The following GTF3C1 variants were observed in gnomAD, a reference collection of about 807,000 sequenced individuals.
GTF3C1 encodes the protein general transcription factor 3C polypeptide 1.
In GTF3C1, 57 loss-of-function variants were observed where a neutral mutation model predicts 226.7. The ratio of observed to expected loss-of-function variants is 0.25; its 90% CI spans 0.20 to 0.31. GTF3C1 has a LOEUF of 0.31. Ranked by LOEUF, GTF3C1 falls within the 10% of genes least tolerant of loss-of-function variation. GTF3C1 has a pLI of 1.00. For missense variants in GTF3C1, 2,217 were observed against 2,776.1 expected (o/e 0.80, Z 4.53); for synonymous variants, 1,090 against 1,084.8 (o/e 1.00, Z -0.09).
chr16:27,506,771 G>T, intron 9 of GTF3C1, 76 bp downstream of exon 9: 3 of 1,093,926 alleles, frequency 2.7e-6, no homozygotes, highest in Non-Finnish European at 3.9e-6. Context: ...GGTGTTTGCT[G>T]AACTGAAGGG....
rs1327362302 is a variant in GTF3C1 at position 27,470,461 on chromosome 16, A to C, written c.4527-66T>G. 1.6e-6 allele frequency: 2 copies of C among 1,269,240 alleles called. No homozygotes were observed. The highest frequency in any genetic ancestry group is 1.5e-5 in the African/African-American group (1 of 67,416). 78.6% of individuals were successfully genotyped at this position (1,269,240 alleles called of 1,614,324 possible). A position where few individuals can be genotyped will look rare whatever the true frequency, so the allele number is the denominator to read the frequency against. ...CTGTGGGAAGCCTTCATTTGGATGG[A>C]CTATGAGCACGTCAAACCATTATGG... On this transcript the variant is annotated intron_variant, in intron 30 of 36. Coordinates refer to ENST00000356183, the MANE Select transcript of GTF3C1 (RefSeq NM_001520.4). This position sits in a 1 kb window ranked among gnomAD's most constrained non-coding sequence, Gnocchi z 4.9.
intron 34 of GTF3C1, chr16:27,464,062 G>A (rs1159573283): frequency 1.1e-5 from 5 of 437,708 alleles, no homozygotes; most frequent in African/African-American, 4.1e-5. Context: ...CAGTGCACAC[G>A]CTGGCCCCAC....
chr16:27,467,992 T>G (rs1481645029), intron 32 of GTF3C1, among the ~76,000 whole-genome samples: 1 of 152,118 alleles, frequency 6.6e-6, no homozygotes, highest in Non-Finnish European at 1.5e-5. Context: ...TAGATGCCAT[T>G]AAGAACATCT....
intron 14 of GTF3C1, among the ~76,000 whole-genome samples, chr16:27,496,949 C>T (rs1212292468): frequency 5.9e-5 from 9 of 152,172 alleles, no homozygotes. Context: ...ACAGGGAAAC[C>T]TTGAGAGTAA....
intron 11 of GTF3C1, 50 bp downstream of exon 11, chr16:27,502,809 G>T: frequency 6.5e-7 from 1 of 1,543,506 alleles, no homozygotes; most frequent in Non-Finnish European, 8.7e-7. Context: ...ACTGGTAGGA[G>T]GATTACTGTT....
chr16:27,499,897 A>C (rs1392625659), intron 12 of GTF3C1, among the ~76,000 whole-genome samples: 1 of 152,134 alleles, frequency 6.6e-6, no homozygotes, highest in Non-Finnish European at 1.5e-5. Context: ...CCTGCCTGGA[A>C]ACCTACGCTG....
At chr16:27,529,602 G>A (rs2088884988) in intron 5 of GTF3C1, among the ~76,000 whole-genome samples, 1 of 152,208 alleles carries the variant, frequency 6.6e-6, no homozygotes, top group East Asian at 1.9e-4. Flanking sequence ...GCAGCCTCCA[G>A]TGCAGGCGGT....
Position 27,470,559 on chromosome 16 carries a change from C to T in GTF3C1, c.4527-164G>A. ...CATCCCAGATGAAGGTGCTGCATTC[C>T]CACCTAGCGGTGTTTGTGTCTCTCT... is the stretch of plus-strand genomic sequence containing the variant. On this transcript the variant is annotated intron_variant, in intron 30 of 36. Transcript: ENST00000356183. The surrounding 1 kb of genome is among the most constrained non-coding windows in gnomAD (Gnocchi z 4.9). 1 of 624,580 alleles carries T rather than the reference C, an allele frequency of 1.6e-6. No individual in the cohort carries two copies. Among genetic ancestry groups the T allele is most frequent in the Admixed American group, 2.9e-5 (1 of 34,770 alleles). The allele number at this position is 624,580 out of a possible 1,614,324, so 38.7% of individuals were successfully genotyped here.
intron 5 of GTF3C1, among the ~76,000 whole-genome samples, chr16:27,530,928 G>C (rs983843080): frequency 1.6e-4 from 25 of 152,164 alleles, no homozygotes; most frequent in African/African-American, 6.0e-4. Flanking sequence ...CTACATCCCA[G>C]TGCAGGCACT....
chr16:27,497,084 G>A (rs1481973148), intron 14 of GTF3C1, among the ~76,000 whole-genome samples: 1 of 152,232 alleles, frequency 6.6e-6, no homozygotes, highest in African/African-American at 2.4e-5. Context: ...GGGCCCCGGT[G>A]AGTCAAGTTT....
intron 6 of GTF3C1, among the ~76,000 whole-genome samples, chr16:27,516,646 T>G (rs1368724333): frequency 6.6e-6 from 1 of 152,186 alleles, no homozygotes; most frequent in African/African-American, 2.4e-5. Context: ...TATATACATA[T>G]ATATTTTTCT....
intron 6 of GTF3C1, among the ~76,000 whole-genome samples, chr16:27,526,370 C>G (rs1448151291): frequency 1.3e-5 from 2 of 152,200 alleles, no homozygotes; most frequent in African/African-American, 4.8e-5. Flanking sequence ...ATTTTTGGCA[C>G]AGTGCCCAGT....
chr16:27,495,555 A>C, intron 14 of GTF3C1, 63 bp from the exon 15 acceptor site: 1 of 1,479,194 alleles, frequency 6.8e-7, no homozygotes, highest in Non-Finnish European at 9.2e-7. Flanking sequence ...GTTTTAATTC[A>C]TTAAAAAATG....
rs115959671 is a variant in GTF3C1, at chr16:27,479,446, G to A, written c.4197-915C>T. Among the ~76,000 whole-genome samples the A allele has an allele frequency of 2.1e-3, 317 of 152,002 alleles. 4 individuals are homozygous for A. The highest frequency in any genetic ancestry group is 6.7e-3 in the African/African-American group (277 of 41,430). On this transcript the variant is annotated intron_variant, in intron 27 of 36. Transcript: ENST00000356183. ...TTGGCCATTTGTAGGACATTTCTTC[G>A]GTTTCTAACAAACTAACAGAAAAAT...
In GTF3C1 at chr16:27,489,645, T is replaced by C. The variant is rs767072028; in HGVS notation, c.3250A>G (p.Lys1084Glu). The change falls in exon 20 of 37, where the codon AAG becomes GAG. Residue 1084 changes from lysine to glutamate, a missense_variant. Physicochemically the swap from Lys to Glu is moderately conservative, Grantham distance 56. Transcript: ENST00000356183. ...GCGCACTTGCGCTCCAGGTTGTGCT[T>C]GTCCATGGCGCTCTCCTGCTCCTTC... ...LQKEQESAMD[K>E]HNLERKCAML... is the part of the protein sequence containing the mutation. The C allele has an allele frequency of 3.1e-6, 5 of 1,611,420 alleles. No individual in the cohort carries two copies. Among genetic ancestry groups the C allele is most frequent in the East Asian group, 4.5e-5 (2 of 44,878 alleles).
chr16:27,474,326 G>A (rs1247944895), intron 29 of GTF3C1, among the ~76,000 whole-genome samples: 1 of 152,206 alleles, frequency 6.6e-6, no homozygotes, highest in East Asian at 1.9e-4. Flanking sequence ...GTGCCACCTG[G>A]AGATGGAACT....
chr16:27,537,860 A>C lies in GTF3C1; in HGVS notation c.676T>G (p.Ser226Ala), dbSNP rs1193694871. 6.2e-7 allele frequency: 1 copy of C among 1,612,744 alleles called. No individual in the cohort carries two copies. Among genetic ancestry groups the C allele is most frequent in the Non-Finnish European group, 8.5e-7 (1 of 1,178,750 alleles). Residue 226 changes from serine (S) to alanine (A), a missense_variant, in exon 4 of 37, where the codon TCC (serine) becomes GCC (alanine). Around this residue, in one of 12 missense-constraint regions of GTF3C1, gnomAD observed 163 missense variants for 234.3 expected, o/e 0.70. Coordinates refer to ENST00000356183, the MANE Select transcript of GTF3C1 (RefSeq NM_001520.4). ...CCAGTGGGTAATCGGATCACATGGG[A>C]CTGCATTGTAATCAGCCCGTTTTTG... is the stretch of plus-strand genomic sequence containing the variant. ...LNKNGLITMQ[S>A]HVIRLPTGAQ...
intron 2 of GTF3C1, among the ~76,000 whole-genome samples, chr16:27,538,839 C>T (rs1209797565): frequency 6.6e-6 from 1 of 152,076 alleles, no homozygotes; most frequent in Non-Finnish European, 1.5e-5. Flanking sequence ...TCTCATCATT[C>T]AGGTCGCAGC....
intron 6 of GTF3C1, among the ~76,000 whole-genome samples, chr16:27,525,136 G>C (rs545588355): frequency 2.5e-4 from 37 of 147,974 alleles, no homozygotes; most frequent in African/African-American, 8.8e-4. Context: ...GGGCAATAGA[G>C]AGAAACTCTG....
Sources: allele counts gnomAD v4.1 joint callset (sites outside exome capture counted in the v4.1 genomes callset), GRCh38; gene constraint gnomAD v4.1.1; regional missense constraint gnomAD v4.1.1; non-coding constraint Gnocchi (gnomAD v3.1); transcripts MANE v1.5; gene names NCBI Gene and HGNC (gene_info 2026-07-23, HGNC 2026-07-21).